The following THRAP3 variants were observed in gnomAD, a reference collection of about 807,000 sequenced individuals.
The protein encoded by THRAP3 is thyroid hormone receptor-associated protein 3.
Under a neutral mutation model 101.0 loss-of-function variants are expected in THRAP3, and 16 were observed. The observed-to-expected ratio is 0.16, with a 90% CI of 0.11 to 0.24. The LOEUF (loss-of-function observed/expected upper bound fraction) is 0.24. Ranked by LOEUF, THRAP3 falls within the 10% of genes least tolerant of loss-of-function variation. THRAP3 has a pLI of 1.00. For synonymous variants in THRAP3, 407 were observed against 422.6 expected, an observed-to-expected ratio of 0.96 and a Z score of 0.45; for missense variants, 989 against 1,202.7, an observed-to-expected ratio of 0.82 and a Z score of 2.63.
At chr1:36,303,044 C>G (rs1646049712) in intron 11 of THRAP3, among the ~76,000 whole-genome samples, 2 of 151,574 alleles carry the variant, frequency 1.3e-5, no homozygotes, top group African/African-American at 4.8e-5. Context: ...CTCCTGGATT[C>G]AAGCAGTTCT....
chr1:36,292,736 G>A, intron 7 of THRAP3, 27 bp downstream of exon 7: 1 of 1,543,510 alleles, frequency 6.5e-7, no homozygotes, highest in Non-Finnish European at 8.8e-7. Context: ...TATACTGGAG[G>A]TTGTAATAAA....
intron 9 of THRAP3, among the ~76,000 whole-genome samples, chr1:36,297,327 G>A (rs753730074): frequency 5.9e-5 from 9 of 151,962 alleles, no homozygotes; most frequent in South Asian, 2.1e-4. Context: ...TTCTGTTTAC[G>A]TTTTTGAATG....
chr1:36,298,194 C>T (rs889324281), intron 9 of THRAP3, among the ~76,000 whole-genome samples: 15 of 149,644 alleles, frequency 1.0e-4, no homozygotes, highest in African/African-American at 3.7e-4. Flanking sequence ...ACCTCAAACA[C>T]GGATCTTTTG....
At chr1:36,216,827 C>T in the THRAP3 span, among the ~76,000 whole-genome samples, 1 of 152,126 alleles carries the variant, frequency 6.6e-6, no homozygotes, top group Admixed American at 6.6e-5. Flanking sequence ...AGTTTCTGCC[C>T]ATACGAAAAC....
intron 5 of THRAP3, among the ~76,000 whole-genome samples, chr1:36,290,569 G>A (rs1645855355): frequency 1.3e-5 from 2 of 152,078 alleles, no homozygotes; most frequent in African/African-American, 2.4e-5. Context: ...AGGTTCAAGC[G>A]ATTCTCCTGC....
At chr1:36,256,169 A>G (rs1645371515) in intron 1 of THRAP3, among the ~76,000 whole-genome samples, 1 of 150,390 alleles carries the variant, frequency 6.6e-6, no homozygotes, top group East Asian at 1.9e-4. Context: ...GTTGTAAGCC[A>G]CCACACCTGG....
chr1:36,276,182 T>G (rs1213224296), intron 2 of THRAP3, among the ~76,000 whole-genome samples: 3 of 146,882 alleles, frequency 2.0e-5, no homozygotes, highest in Non-Finnish European at 4.5e-5. Flanking sequence ...TCACACAAAG[T>G]ACAAGCAACA....
intron 1 of THRAP3, among the ~76,000 whole-genome samples, chr1:36,249,592 C>T (rs1486301105): frequency 3.3e-5 from 5 of 152,070 alleles, no homozygotes; most frequent in Non-Finnish European, 7.4e-5. Context: ...ATGAGATGCT[C>T]ACTGACTCCT....
chr1:36,267,394 C>T (rs963852969), intron 2 of THRAP3, among the ~76,000 whole-genome samples: 8 of 152,022 alleles, frequency 5.3e-5, no homozygotes, highest in Non-Finnish European at 8.8e-5. Context: ...ACAGCTGTTC[C>T]GAATCATCAT....
chr1:36,259,543 C>A (rs554230601), intron 2 of THRAP3, 59 bp downstream of exon 2: 4 of 397,458 alleles, frequency 1.0e-5, no homozygotes, highest in Admixed American at 4.4e-5. Context: ...ACCAATCTTA[C>A]GTTAAGAATT....
intron 3 of THRAP3, among the ~76,000 whole-genome samples, chr1:36,285,394 C>T (rs553991329): frequency 2.0e-4 from 30 of 152,238 alleles, no homozygotes; most frequent in Admixed American, 1.5e-3. Flanking sequence ...CACCAACATA[C>T]GTAATTTTTG....
rs1270006604 is a variant in THRAP3 at position 36,289,387 on chromosome 1, C to T, written c.1368C>T (p.Val456=). 5.0e-6 allele frequency: 8 copies of T among 1,614,112 alleles called. No individual in the cohort carries two copies. The highest frequency in any genetic ancestry group is 1.1e-5 in the South Asian group (1 of 91,076). Reference sequence around the variant, plus strand: ...ATGAACCCAAATTTATGTCTAAAGTCATAGGTGCAAACAAAAACCAGGAGG... The same window carrying T: ...ATGAACCCAAATTTATGTCTAAAGTTATAGGTGCAAACAAAAACCAGGAGG... The part of the protein sequence containing the change: ...FDDEPKFMSK[V]IGANKNQEEE... The change falls in exon 5 of 12, where the codon GTC becomes GTT. Residue 456 remains valine, a synonymous_variant. Transcript: ENST00000354618.
chr1:36,248,437 G>A (rs1212309055), intron 1 of THRAP3, among the ~76,000 whole-genome samples: 1 of 134,540 alleles, frequency 7.4e-6, no homozygotes, highest in Non-Finnish European at 1.5e-5. Flanking sequence ...ATTGCACCCA[G>A]CCTCAGCCTC....
intron 1 of THRAP3, among the ~76,000 whole-genome samples, chr1:36,231,954 C>T (rs917621342): frequency 1.1e-4 from 16 of 152,232 alleles, no homozygotes; most frequent in Non-Finnish European, 1.9e-4. Flanking sequence ...GTGTGGTTCA[C>T]GCCTGTAATC....
At chr1:36,288,353 T>A (rs781642346) in intron 4 of THRAP3, 10 of 969,922 alleles carry the variant, frequency 1.0e-5, no homozygotes, top group Non-Finnish European at 1.2e-5. Context: ...GTCATTCTTA[T>A]GCCTTTGGGT....
At chr1:36,214,126 C>T in the THRAP3 span, among the ~76,000 whole-genome samples, 1 of 152,208 alleles carries the variant, frequency 6.6e-6, no homozygotes, top group East Asian at 1.9e-4. Context: ...ACACCTACTG[C>T]TGTCAATTCC....
intron 6 of THRAP3, 133 bp downstream of exon 6, chr1:36,291,679 A>T: frequency 1.1e-6 from 1 of 918,154 alleles, no homozygotes. Flanking sequence ...GCTGGCTTGA[A>T]GGAAATTCCA....
chr1:36,269,035 T>G (rs528066909), intron 2 of THRAP3, among the ~76,000 whole-genome samples: 1 of 152,420 alleles, frequency 6.6e-6, no homozygotes, highest in South Asian at 2.1e-4. Context: ...CGAGTTAGTT[T>G]TTTAATCTGG....
chr1:36,301,213 G>C, intron 10 of THRAP3, 129 bp downstream of exon 10: 2 of 985,694 alleles, frequency 2.0e-6, no homozygotes, highest in Non-Finnish European at 1.5e-6. Flanking sequence ...GGAATCTTTG[G>C]TTCTCCTTCC....
Sources: gnomAD v4.1 joint callset for allele counts (sites outside exome capture counted in the v4.1 genomes callset) on GRCh38, gnomAD v4.1.1 for gene constraint, MANE v1.5 for transcripts, NCBI Gene and HGNC (gene_info 2026-07-23, HGNC 2026-07-21) for gene names.